Variants in TTN observed in about 807,000 individuals in gnomAD.
TTN encodes the protein connectin.
TTN carries 1,525 observed loss-of-function variants against 3,223.0 expected under a neutral mutation model. That is an observed-to-expected ratio of 0.47 (90% CI 0.45 to 0.49). The LOEUF (loss-of-function observed/expected upper bound fraction) is 0.49. Among genes scored for constraint, TTN ranks in the 20% least tolerant of loss-of-function variants. TTN has a pLI of 0.00. For missense variants in TTN, 40,786 were observed against 43,424.0 expected (o/e 0.94, Z 5.40); for synonymous variants, 14,094 against 15,161.0 (o/e 0.93, Z 5.17).
chr2:178,771,604 T>G, intron 33 of TTN, 133 bp from the exon 34 acceptor site: 1 of 1,319,710 alleles, frequency 7.6e-7, no homozygotes, highest in Non-Finnish European at 1.1e-6. Flanking sequence ...ATGATTGTTT[T>G]TACCCATATT....
Position 178,776,736 on chromosome 2 carries a change from T to C in TTN, c.5128A>G (p.Thr1710Ala). 2 of 1,614,094 alleles carry C rather than the reference T, an allele frequency of 1.2e-6. No homozygotes were observed. The highest frequency in any genetic ancestry group is 1.7e-6 in the Non-Finnish European group (2 of 1,180,006). ...QQKPFFKKKL[T>A]SLRLKRFGPA... ...CCAAAGCGCTTAAGTCTTAAGGAAG[T>C]GAGTTTTTTCTTGAAAAATGGTTTC... The change falls in exon 28 of 363, where the codon ACT becomes GCT. Residue 1710 changes from threonine (T) to alanine (A), a missense_variant. Coordinates refer to ENST00000589042, the MANE Select transcript of TTN (RefSeq NM_001267550.2).
At position 178,720,574 on chromosome 2, in the gene TTN, G is replaced by A. The variant is rs774547593; in HGVS notation, c.23188C>T (p.Pro7730Ser). 1 of 1,613,306 alleles carries A rather than the reference G, an allele frequency of 6.2e-7. No homozygotes were observed. Among genetic ancestry groups the A allele is most frequent in the South Asian group, 1.1e-5 (1 of 91,036 alleles). ...ILQCEISGTP[P>S]FEVVWVKDRK... ...TCTTTAACCCATACTACTTCAAATGGGGGAGTTCCCGAAATTTCACATTGG... is the reference window on the plus strand; with the variant it reads ...TCTTTAACCCATACTACTTCAAATGAGGGAGTTCCCGAAATTTCACATTGG... Residue 7730 changes from proline to serine, a missense_variant, in exon 80 of 363, where the codon CCA (proline) becomes TCA (serine). Transcript: ENST00000589042.
chr2:178,654,068 G>C lies in TTN; in HGVS notation c.38408C>G (p.Pro12803Arg). ...TGGTGCCTTGGGAATTTTCTTTTCT[G>C]GGACAACTTCTTGAGCAGCTTCAGG... ...KVPEAAQEVV[P>R]EKKIPKAPIK... Residue 12803 changes from proline to arginine, a missense_variant, in exon 194 of 363, where the codon CCA becomes CGA. Physicochemically the swap from Pro to Arg is moderately radical, Grantham distance 103. Transcript: ENST00000589042. 6.3e-7 allele frequency: 1 copy of C among 1,586,656 alleles called. No individual in the cohort carries two copies. Among genetic ancestry groups the C allele is most frequent in the East Asian group, 2.3e-5 (1 of 44,258 alleles).
At position 178,614,075 on chromosome 2, in the gene TTN, G is replaced by A. The variant is rs570251027; in HGVS notation, c.49322C>T (p.Pro16441Leu). Residue 16441 changes from proline (P) to leucine (L), a missense_variant, in exon 262 of 363, where the codon CCA becomes CTA. Coordinates refer to ENST00000589042, the MANE Select transcript of TTN (RefSeq NM_001267550.2). ...YGVGEPVQAS[P>L]ITAKYQFDPP... ...ACCAAACTGATATTTGGCTGTTATT[G>A]GAGAGGCCTGAACTGGTTCACCAAC... 6.2e-7 allele frequency: 1 copy of A among 1,612,192 alleles called. No individual in the cohort carries two copies. The highest frequency in any genetic ancestry group is 8.5e-7 in the Non-Finnish European group (1 of 1,179,160).
chr2:178,639,869 G>C, intron 222 of TTN, 81 bp from the exon 223 acceptor site: 1 of 1,459,466 alleles, frequency 6.9e-7, no homozygotes, highest in South Asian at 1.3e-5. Context: ...TGCCTCTTCT[G>C]ATATAATTTT....
intron 146 of TTN, 47 bp from the exon 147 acceptor site, chr2:178,677,334 T>C: frequency 1.2e-5 from 4 of 341,492 alleles, no homozygotes; most frequent in Non-Finnish European, 1.5e-5. Flanking sequence ...ATATACATGG[T>C]CATATATATA....
At chr2:178,673,565 A>C (rs2067387043) in intron 152 of TTN, 68 bp downstream of exon 152, 3 of 1,306,208 alleles carry the variant, frequency 2.3e-6, no homozygotes, top group Non-Finnish European at 3.1e-6. Flanking sequence ...GTCAAAAAAG[A>C]AAATGTTGCT....
At chr2:178,619,026 GT>G (rs2057836740) in intron 250 of TTN, 173 bp from the exon 251 acceptor site, 1 of 852,970 alleles carries the variant, frequency 1.2e-6, no homozygotes, top group African/African-American at 1.7e-5. Context: ...TTTTGTTGTT[GT>G]TGTGCGTGCA....
intron 240 of TTN, among the ~76,000 whole-genome samples, chr2:178,626,917 T>A (rs1246402988): frequency 5.3e-5 from 8 of 151,892 alleles, no homozygotes; most frequent in Non-Finnish European, 1.2e-4. Flanking sequence ...GAATGCAGTA[T>A]GTCTCAATAA....
rs376378973 is a variant in TTN at position 178,651,297 on chromosome 2, C to A, written c.39571G>T (p.Val13191Phe). Residue 13191 changes from valine to phenylalanine, a missense_variant, in exon 208 of 363, where the codon GTT becomes TTT. Val to Phe is a conservative substitution (Grantham distance 50). Transcript: ENST00000589042. Reference sequence around the variant, plus strand: ...GGAACAGCTACTTTCTTTTCTGGAACAACTTCTTTTGGAACTTCAGGCACT... The same window carrying A: ...GGAACAGCTACTTTCTTTTCTGGAAAAACTTCTTTTGGAACTTCAGGCACT... ...AKVPEVPKEV[V>F]PEKKVAVPKK... The A allele has an allele frequency of 3.7e-5, 60 of 1,613,076 alleles. No individual in the cohort carries two copies. The highest frequency in any genetic ancestry group is 4.7e-5 in the Non-Finnish European group (56 of 1,179,434).
chr2:178,590,562 G>A lies in TTN; in HGVS notation c.61163C>T (p.Ala20388Val), dbSNP rs397517648. ...PKLKDKSRET[A>V]DLVWTKPLSD... ...GAGAGGCTTTGTCCACACCAAATCA[G>A]CTGTTTCTCTGCTCTTGTCTTTCAG... is the stretch of plus-strand genomic sequence containing the variant. Residue 20388 changes from alanine to valine, a missense_variant, in exon 304 of 363, where the codon GCT becomes GTT. Physicochemically the swap from Ala to Val is moderately conservative, Grantham distance 64 (BLOSUM62 0). Coordinates refer to ENST00000589042, the MANE Select transcript of TTN (RefSeq NM_001267550.2). The A allele has an allele frequency of 6.2e-7, 1 of 1,612,566 alleles. No homozygotes were observed. The highest frequency in any genetic ancestry group is 8.5e-7 in the Non-Finnish European group (1 of 1,179,236).
At chr2:178,596,346 A>G (rs1275380435) in intron 294 of TTN, among the ~76,000 whole-genome samples, 1 of 152,068 alleles carries the variant, frequency 6.6e-6, no homozygotes, top group Non-Finnish European at 1.5e-5. Flanking sequence ...TGGTTTTAGT[A>G]GAGGCTGAAG....
Position 178,566,915 on chromosome 2 carries a change from C to T in TTN, c.79217G>A (p.Cys26406Tyr), listed in dbSNP as rs727505223. Residue 26406 changes from cysteine (C) to tyrosine (Y), a missense_variant, in exon 326 of 363, where the codon TGT becomes TAT. Coordinates refer to ENST00000589042, the MANE Select transcript of TTN (RefSeq NM_001267550.2). ...ACCATCACTATCTGGACGGTTCCAA[C>T]AGACGGTCATGGAGTCTTTGGCAAT... ...TNIAKDSMTV[C>Y]WNRPDSDGGS... 1 of 1,613,642 alleles carries T rather than the reference C, an allele frequency of 6.2e-7. No individual in the cohort carries two copies. The highest frequency in any genetic ancestry group is 1.3e-5 in the African/African-American group (1 of 75,026).
At chr2:178,670,892 T>C (rs1400961775) in intron 156 of TTN, among the ~76,000 whole-genome samples, 198 bp downstream of exon 156, 2 of 152,076 alleles carry the variant, frequency 1.3e-5, no homozygotes, top group African/African-American at 2.4e-5. Flanking sequence ...GTTTTAGGTA[T>C]AACAACAGTG....
In TTN at chr2:178,672,501, A is replaced by T; in HGVS notation, c.34856-20T>A. Reference sequence around the variant, plus strand: ...CAGGCACTTTAAAGATACAGTTTTAATATTTAGGACTGTCGAGAGCAAGCT... The same window carrying T: ...CAGGCACTTTAAAGATACAGTTTTATTATTTAGGACTGTCGAGAGCAAGCT... On this transcript the variant is annotated intron_variant, in intron 153 of 362. Transcript: ENST00000589042. 2 of 1,603,804 alleles carry T rather than the reference A, an allele frequency of 1.2e-6. No individual in the cohort carries two copies. The highest frequency in any genetic ancestry group is 2.7e-5 in the African/African-American group (2 of 74,174).
In TTN at chr2:178,563,393, G is replaced by A. The variant is rs748535477; in HGVS notation, c.82739C>T (p.Thr27580Met). 44 of 1,613,398 alleles carry A rather than the reference G, an allele frequency of 2.7e-5. No homozygotes were observed. The highest frequency in any genetic ancestry group is 2.1e-4 in the South Asian group (19 of 91,078). The change falls in exon 326 of 363, where the codon ACG becomes ATG. Residue 27580 changes from threonine to methionine, a missense_variant. Physicochemically the swap from Thr to Met is moderately conservative, Grantham distance 81. Transcript: ENST00000589042. The surrounding 1 kb of genome is among the most constrained non-coding windows in gnomAD (Gnocchi z 4.5). ...GGAGACAGAAGATCTGGAAGTGTCC[G>A]TCACTTTTGGATTGCTTGGGGGACC... ...PPGPPSNPKV[T>M]DTSRSSVSLA...
Position 178,709,550 on chromosome 2 carries a change from T to C in TTN, c.28753+16A>G, listed in dbSNP as rs1470192163. On this transcript the variant is annotated intron_variant, in intron 99 of 362. Transcript: ENST00000589042. ...GAAGAAAAACACAACAGGTTGGGGC[T>C]GTGAGGATAACTCACCTTTGATGAC... 1.3e-6 allele frequency: 2 copies of C among 1,596,992 alleles called. No homozygotes were observed. Among genetic ancestry groups the C allele is most frequent in the East Asian group, 2.2e-5 (1 of 44,472 alleles).
chr2:178,665,155 G>T (rs1248835173), intron 165 of TTN, among the ~76,000 whole-genome samples: 1 of 152,074 alleles, frequency 6.6e-6, no homozygotes, highest in Non-Finnish European at 1.5e-5. Context: ...TCATTATAAA[G>T]GATTTGTTGA....
intron 1 of TTN, among the ~76,000 whole-genome samples, chr2:178,805,149 T>C (rs1050405495): frequency 2.0e-5 from 3 of 151,338 alleles, no homozygotes; most frequent in Non-Finnish European, 3.0e-5. Flanking sequence ...TTGAGACCAG[T>C]TTGGCTAACA....
Sources: gnomAD v4.1 joint callset for allele counts (sites outside exome capture counted in the v4.1 genomes callset) on GRCh38, gnomAD v4.1.1 for gene constraint, Gnocchi (gnomAD v3.1) non-coding constraint, MANE v1.5 for transcripts, NCBI Gene and HGNC (gene_info 2026-07-23, HGNC 2026-07-21) for gene names.